Variants in MFHAS1 observed in about 807,000 individuals in gnomAD.
The protein encoded by MFHAS1 is multifunctional ROCO family signaling regulator 1, also known as malignant fibrous histiocytoma-amplified sequence 1.
MFHAS1 carries 50 observed loss-of-function variants against 70.4 expected under a neutral mutation model. That is an observed-to-expected ratio of 0.71 (90% confidence interval 0.57 to 0.90). The LOEUF is 0.90. Among genes scored for constraint, MFHAS1 ranks in the 40% least tolerant of loss-of-function variants. The probability of loss-of-function intolerance (pLI) is 0.00; values close to 1 mark genes in which losing one functional copy is unlikely to be tolerated. For synonymous variants in MFHAS1, 952 were observed against 620.0 expected (o/e 1.54, Z -7.96); for missense variants, 1,795 against 1,347.6 (o/e 1.33, Z -5.20).
intron 1 of MFHAS1, among the ~76,000 whole-genome samples, chr8:8,879,712 A>G (rs1563217781): frequency 6.6e-6 from 1 of 152,224 alleles, no homozygotes; most frequent in Non-Finnish European, 1.5e-5. Flanking sequence ...CGTATTTACA[A>G]GAATCAACAA....
At chr8:8,821,686 A>T (rs1356924416) in intron 1 of MFHAS1, 1 of 152,244 alleles carries the variant, frequency 6.6e-6, no homozygotes, top group East Asian at 1.9e-4. Flanking sequence ...GCCTCCAAGC[A>T]TGCAAAGATG....
Position 8,891,200 on chromosome 8 carries a change from A to C in MFHAS1, c.1859T>G (p.Ile620Ser). 1 of 1,612,928 alleles carries C rather than the reference A, an allele frequency of 6.2e-7. No individual in the cohort carries two copies. The highest frequency in any genetic ancestry group is 8.5e-7 in the Non-Finnish European group (1 of 1,180,012). ...GCTAACAGGCAACACGGGGGAGAGG[A>C]TCTGCAGCCGGTGGTTGAGCAGGTA... The part of the protein sequence containing the change: ...FQYLLNHRLQ[I>S]LSPVLPVSCR... Residue 620 changes from isoleucine to serine, a missense_variant, in exon 1 of 3, where the codon ATC (isoleucine) becomes AGC (serine). Physicochemically the swap from Ile to Ser is moderately radical, Grantham distance 142. Transcript: ENST00000276282. The surrounding 1 kb of genome is among the most constrained non-coding windows in gnomAD (Gnocchi z 5.4).
At position 8,890,247 on chromosome 8, in the gene MFHAS1, G is replaced by A. The variant is rs1809936737; in HGVS notation, c.2812C>T (p.Pro938Ser). The change falls in exon 1 of 3, where the codon CCA becomes TCA. Residue 938 changes from proline (P) to serine (S), a missense_variant. Pro to Ser is a moderately conservative substitution (Grantham distance 74, BLOSUM62 -1). Coordinates refer to ENST00000276282, the MANE Select transcript of MFHAS1 (RefSeq NM_004225.3). ...TGGCTAGCAATGGACAGGGTGTCTG[G>A]CTGCAGGACTCCCCTGGCAGGTCTG... is the stretch of plus-strand genomic sequence containing the variant. ...SYRPARGVLQ[P>S]DTLSIASHAS... 1 of 1,614,000 alleles carries A rather than the reference G, an allele frequency of 6.2e-7. No homozygotes were observed. Among genetic ancestry groups the A allele is most frequent in the African/African-American group, 1.3e-5 (1 of 74,894 alleles).
At chr8:8,818,993 A>G (rs888911029) in intron 1 of MFHAS1, among the ~76,000 whole-genome samples, 1 of 152,262 alleles carries the variant, frequency 6.6e-6, no homozygotes, top group African/African-American at 2.4e-5. Flanking sequence ...CAAAGAATAC[A>G]ATCTCGAGTC....
At chr8:8,849,898 T>C (rs1219279358) in intron 1 of MFHAS1, among the ~76,000 whole-genome samples, 1 of 152,214 alleles carries the variant, frequency 6.6e-6, no homozygotes, top group Non-Finnish European at 1.5e-5. Context: ...GTACTTTCCT[T>C]TAAATATTCT....
At chr8:8,806,324 G>C (rs890667202) in intron 1 of MFHAS1, among the ~76,000 whole-genome samples, 1 of 152,180 alleles carries the variant, frequency 6.6e-6, no homozygotes, top group African/African-American at 2.4e-5. Context: ...TTTGAAGTGT[G>C]AGGCTCTACC....
At chr8:8,837,527 A>G (rs1311888994) in intron 1 of MFHAS1, among the ~76,000 whole-genome samples, 1 of 152,022 alleles carries the variant, frequency 6.6e-6, no homozygotes, top group African/African-American at 2.4e-5. Context: ...CTATACTCCC[A>G]AGCTACTCGA....
chr8:8,876,060 G>A (rs1360865328), intron 1 of MFHAS1, among the ~76,000 whole-genome samples: 3 of 152,202 alleles, frequency 2.0e-5, no homozygotes, highest in Non-Finnish European at 4.4e-5. Context: ...GGTGGAAACA[G>A]CAGCAAACTC....
rs375606695 is a variant in MFHAS1 at position 8,812,918 on chromosome 8, C to T, written c.2999-15427G>A. On this transcript the variant is annotated intron_variant, in intron 1 of 2. Transcript: ENST00000276282. ...AGTAGCTGGGGTTACAGGCGTGCAC[C>T]ACCACGCCCAACTAAAGGTTGTATT... Among the ~76,000 whole-genome samples, 3 of 152,256 alleles carry T rather than the reference C, an allele frequency of 2.0e-5. No individual in the cohort carries two copies. The East Asian group carries it at 5.8e-4, about 29-fold the overall frequency.
chr8:8,816,479 G>A (rs1057120359), intron 1 of MFHAS1, among the ~76,000 whole-genome samples: 1 of 152,206 alleles, frequency 6.6e-6, no homozygotes, highest in African/African-American at 2.4e-5. Context: ...TGAGTTTCAT[G>A]CTAAAGAATC....
chr8:8,878,313 T>C (rs892256094), intron 1 of MFHAS1, among the ~76,000 whole-genome samples: 1 of 152,160 alleles, frequency 6.6e-6, no homozygotes, highest in Non-Finnish European at 1.5e-5. Context: ...GTTCTCTAAC[T>C]CTGGGGAATT....
intron 2 of MFHAS1, among the ~76,000 whole-genome samples, chr8:8,790,778 C>T (rs941233544): frequency 1.3e-5 from 2 of 152,140 alleles, no homozygotes; most frequent in East Asian, 3.8e-4. Flanking sequence ...GTTAGGCATA[C>T]GTGGCCTGTT....
At chr8:8,817,806 T>A (rs180942027) in intron 1 of MFHAS1, among the ~76,000 whole-genome samples, 3 of 152,160 alleles carry the variant, frequency 2.0e-5, no homozygotes, top group Admixed American at 6.5e-5. Context: ...GAATTCACAA[T>A]AGAGTTCAAG....
chr8:8,814,632 T>C (rs967453635), intron 1 of MFHAS1, among the ~76,000 whole-genome samples: 2 of 152,142 alleles, frequency 1.3e-5, no homozygotes, highest in African/African-American at 4.8e-5. Flanking sequence ...TTGCAAAGTA[T>C]GTATCTGATA....
intron 1 of MFHAS1, among the ~76,000 whole-genome samples, chr8:8,829,805 C>T (rs545677446): frequency 6.6e-6 from 1 of 152,162 alleles, no homozygotes; most frequent in Admixed American, 6.5e-5. Context: ...GGGGAAGACA[C>T]ATTTCAGATA....
chr8:8,786,186 C>T, intron 2 of MFHAS1, 131 bp from the exon 3 acceptor site: 2 of 830,856 alleles, frequency 2.4e-6, no homozygotes, highest in South Asian at 3.1e-5. Flanking sequence ...TTCCAGGACT[C>T]ATTATAAACA....
At position 8,891,407 on chromosome 8, in the gene MFHAS1, C is replaced by T. The variant is rs760052526; in HGVS notation, c.1652G>A (p.Cys551Tyr). 6.2e-7 allele frequency: 1 copy of T among 1,612,634 alleles called. No homozygotes were observed. The highest frequency in any genetic ancestry group is 2.2e-5 in the East Asian group (1 of 44,884). Residue 551 changes from cysteine to tyrosine, a missense_variant, in exon 1 of 3, where the codon TGT (cysteine) becomes TAT (tyrosine). Cys to Tyr is a radical substitution (Grantham distance 194, BLOSUM62 -2). Transcript: ENST00000276282. This position sits in a 1 kb window ranked among gnomAD's most constrained non-coding sequence, Gnocchi z 5.4. ...GGCGATCTGGCGGTGAATGTCCAGA[C>T]ATTTCTCCTCCAGCTCACGCTCTCC... is the stretch of plus-strand genomic sequence containing the variant. ...LCGERELEEK[C>Y]LDIHRQIALQ...
At chr8:8,860,872 T>TA (rs889821818) in intron 1 of MFHAS1, among the ~76,000 whole-genome samples, 12 of 152,230 alleles carry the variant, frequency 7.9e-5, no homozygotes, top group Non-Finnish European at 1.5e-4. Context: ...TCTGGGCTCA[T>TA]ACGCATACAT....
chr8:8,805,786 C>G (rs937171795), intron 1 of MFHAS1, among the ~76,000 whole-genome samples: 2 of 152,078 alleles, frequency 1.3e-5, no homozygotes, highest in African/African-American at 4.8e-5. Flanking sequence ...CAACCTCCAC[C>G]TTCCGGGTTC....
Sources: gnomAD v4.1 joint callset for allele counts (sites outside exome capture counted in the v4.1 genomes callset) on GRCh38, gnomAD v4.1.1 for gene constraint, Gnocchi (gnomAD v3.1) non-coding constraint, MANE v1.5 for transcripts, NCBI Gene and HGNC (gene_info 2026-07-23, HGNC 2026-07-21) for gene names.